The following PDZRN4 variants were observed in gnomAD, a reference collection of about 807,000 sequenced individuals.
The protein encoded by PDZRN4 is PDZ domain containing ring finger 4, also known as PDZ domain-containing RING finger protein 4.
In PDZRN4, 70 loss-of-function variants were observed where a neutral mutation model predicts 99.0. The observed-to-expected ratio is 0.71, with a 90% CI of 0.58 to 0.86. The LOEUF (loss-of-function observed/expected upper bound fraction) is 0.86. PDZRN4 is among the 40% of genes least tolerant of loss of function. PDZRN4 has a pLI of 0.00. For synonymous variants in PDZRN4, 551 were observed against 501.6 expected (o/e 1.10, Z -1.32); for missense variants, 1,474 against 1,331.2 (o/e 1.11, Z -1.67).
intron 3 of PDZRN4, among the ~76,000 whole-genome samples, chr12:41,230,203 C>T (rs1376207695): frequency 1.3e-5 from 2 of 151,898 alleles, no homozygotes; most frequent in Non-Finnish European, 2.9e-5. Flanking sequence ...AGTACACACG[C>T]TCTTTAGGTT....
At chr12:41,213,174 T>C (rs74605627) in intron 3 of PDZRN4, among the ~76,000 whole-genome samples, 4,368 of 152,050 alleles carry the variant, frequency 0.029, 158 homozygotes, top group East Asian at 0.16. Flanking sequence ...CCCATGAAAG[T>C]ATTTAAGCAG....
chr12:41,373,207 G>A (rs1324541086), intron 3 of PDZRN4, among the ~76,000 whole-genome samples: 4 of 110,412 alleles, frequency 3.6e-5, no homozygotes, highest in Non-Finnish European at 6.7e-5. Flanking sequence ...CACAGGACCG[G>A]GGTGAAATTA....
At chr12:41,532,419 T>C (rs1163027266) in intron 5 of PDZRN4, among the ~76,000 whole-genome samples, 1 of 152,228 alleles carries the variant, frequency 6.6e-6, no homozygotes, top group African/African-American at 2.4e-5. Context: ...TTCATATACA[T>C]TTTTGAATTA....
intron 3 of PDZRN4, chr12:41,473,648 T>G (rs1361635100): frequency 6.6e-6 from 1 of 152,252 alleles, no homozygotes; most frequent in South Asian, 2.1e-4. Context: ...TCTCTTGTTA[T>G]GTATTTATCT....
chr12:41,264,187 TAATG>T (rs1211752678), intron 3 of PDZRN4, among the ~76,000 whole-genome samples: 1 of 152,192 alleles, frequency 6.6e-6, no homozygotes, highest in African/African-American at 2.4e-5. Flanking sequence ...GATAACAAAA[TAATG>T]AAAACATTGT....
chr12:41,541,472 G>T (rs1263855287), intron 5 of PDZRN4, among the ~76,000 whole-genome samples: 1 of 145,232 alleles, frequency 6.9e-6, no homozygotes, highest in Non-Finnish European at 1.5e-5. Flanking sequence ...TTTTTGAGAC[G>T]GAGTCTTGCT....
chr12:41,245,199 C>G (rs187358813), intron 3 of PDZRN4, among the ~76,000 whole-genome samples: 1 of 152,190 alleles, frequency 6.6e-6, no homozygotes, highest in African/African-American at 2.4e-5. Flanking sequence ...TACACTTCCC[C>G]GAGCAAAAGA....
chr12:41,387,025 A>G (rs1952174904), intron 3 of PDZRN4, among the ~76,000 whole-genome samples: 1 of 152,180 alleles, frequency 6.6e-6, no homozygotes, highest in African/African-American at 2.4e-5. Context: ...ATCCTGGAAG[A>G]CCACCTAGGC....
At chr12:41,242,508 T>A (rs1316817977) in intron 3 of PDZRN4, among the ~76,000 whole-genome samples, 1 of 152,222 alleles carries the variant, frequency 6.6e-6, no homozygotes, top group Non-Finnish European at 1.5e-5. Context: ...ATGGAAGCAC[T>A]GGACAAGGGA....
At chr12:41,550,034 G>A (rs1939025161) in intron 5 of PDZRN4, among the ~76,000 whole-genome samples, 1 of 152,162 alleles carries the variant, frequency 6.6e-6, no homozygotes, top group South Asian at 2.1e-4. Context: ...TTTCCTCTGA[G>A]ATACTTGGGT....
chr12:41,284,238 T>G (rs1951407443), intron 3 of PDZRN4, among the ~76,000 whole-genome samples: 1 of 152,048 alleles, frequency 6.6e-6, no homozygotes, highest in East Asian at 1.9e-4. Context: ...AAGAGCCAAA[T>G]CATGAGCAAA....
intron 3 of PDZRN4, among the ~76,000 whole-genome samples, chr12:41,315,003 G>A (rs966561959): frequency 2.0e-5 from 3 of 151,982 alleles, no homozygotes; most frequent in Admixed American, 6.6e-5. Context: ...GTGACTCCAG[G>A]TGATCTGTTT....
At chr12:41,411,064 TATA>T (rs771459550) in intron 3 of PDZRN4, among the ~76,000 whole-genome samples, 35 of 126,932 alleles carry the variant, frequency 2.8e-4, no homozygotes, top group African/African-American at 6.6e-4. Flanking sequence ...TATATATATA[TATA>T]TTTTTTTTTT....
intron 3 of PDZRN4, chr12:41,459,907 C>T: frequency 8.1e-7 from 1 of 1,240,632 alleles, no homozygotes; most frequent in Non-Finnish European, 1.0e-6. Flanking sequence ...ACAATTACAG[C>T]TTTACTGTTT....
chr12:41,410,573 G>T (rs1183214624), intron 3 of PDZRN4, among the ~76,000 whole-genome samples: 3 of 152,138 alleles, frequency 2.0e-5, no homozygotes, highest in Non-Finnish European at 2.9e-5. Context: ...CAGTTTAGAT[G>T]GTGCAGTCTT....
intron 3 of PDZRN4, among the ~76,000 whole-genome samples, chr12:41,486,919 G>C (rs1937786647): frequency 6.6e-6 from 1 of 152,046 alleles, no homozygotes; most frequent in Admixed American, 6.6e-5. Context: ...TCTCTCCTTA[G>C]GTTCCAGCTA....
At chr12:41,486,787 G>A (rs1190509826) in intron 3 of PDZRN4, among the ~76,000 whole-genome samples, 2 of 152,126 alleles carry the variant, frequency 1.3e-5, no homozygotes, top group Non-Finnish European at 1.5e-5. Context: ...CTAGGTGTCC[G>A]ATTCCTGTGA....
intron 3 of PDZRN4, among the ~76,000 whole-genome samples, chr12:41,199,689 A>G (rs894841208): frequency 2.6e-5 from 4 of 152,186 alleles, no homozygotes; most frequent in Non-Finnish European, 4.4e-5. Context: ...CATAAAAAAC[A>G]AGAATGAAAT....
At chr12:41,545,241 A>G (rs761353132) in intron 5 of PDZRN4, among the ~76,000 whole-genome samples, 13 of 152,206 alleles carry the variant, frequency 8.5e-5, no homozygotes, top group African/African-American at 3.1e-4. Context: ...AGTGTTCACC[A>G]TGACCCCTCA....
Sources: gnomAD v4.1 joint callset for allele counts (sites outside exome capture counted in the v4.1 genomes callset) on GRCh38, gnomAD v4.1.1 for gene constraint, MANE v1.5 for transcripts, NCBI Gene and HGNC (gene_info 2026-07-23, HGNC 2026-07-21) for gene names.